NUP93: variants seen among roughly 807,000 people sequenced by gnomAD.
NUP93 encodes nuclear pore complex protein Nup93.
NUP93 carries 55 observed loss-of-function variants against 107.8 expected under a neutral mutation model. The ratio of observed to expected loss-of-function variants is 0.51; its 90% CI spans 0.41 to 0.64. The LOEUF (loss-of-function observed/expected upper bound fraction) is 0.64, where lower values mean the gene tolerates loss of function less well. NUP93 is among the 30% of genes least tolerant of loss of function. NUP93 has a pLI of 0.00. For synonymous variants in NUP93, 390 were observed against 397.5 expected, an observed-to-expected ratio of 0.98 and a Z score of 0.22; for missense variants, 937 against 1,044.7, an observed-to-expected ratio of 0.90 and a Z score of 1.42.
chr16:56,782,708 T>C (rs1022079298), intron 3 of NUP93: 5 of 152,132 alleles, frequency 3.3e-5, no homozygotes, highest in African/African-American at 4.8e-5. Context: ...TAGGATTCTT[T>C]AGGAATTCAG....
intron 7 of NUP93, among the ~76,000 whole-genome samples, chr16:56,822,983 A>G (rs1040049276): frequency 1.3e-5 from 2 of 152,144 alleles, no homozygotes; most frequent in South Asian, 2.1e-4. Context: ...TTTTTCTCCA[A>G]TCAGTGCTAT....
chr16:56,789,139 A>G (rs1229753012), intron 3 of NUP93, among the ~76,000 whole-genome samples: 1 of 152,048 alleles, frequency 6.6e-6, no homozygotes. Context: ...AAAGGTGCAA[A>G]TGGAGTTATA....
chr16:56,740,831 C>G (rs1052654073), intron 1 of NUP93: 1 of 173,256 alleles, frequency 5.8e-6, no homozygotes, highest in East Asian at 1.8e-4. Context: ...GGAGACCGGC[C>G]CGGCCAACAC....
intron 4 of NUP93, among the ~76,000 whole-genome samples, chr16:56,804,993 C>T (rs1439127237): frequency 6.6e-6 from 1 of 151,604 alleles, no homozygotes; most frequent in Non-Finnish European, 1.5e-5. Context: ...AAACAGTTGT[C>T]AGTAAGTTTA....
At chr16:56,735,108 G>A (rs1961590991) in intron 1 of NUP93, among the ~76,000 whole-genome samples, 3 of 152,218 alleles carry the variant, frequency 2.0e-5, no homozygotes, top group African/African-American at 7.2e-5. Flanking sequence ...GGAGTAAAAG[G>A]AATTTAGATG....
intron 3 of NUP93, among the ~76,000 whole-genome samples, chr16:56,797,165 G>T (rs1254635427): frequency 6.6e-6 from 1 of 150,892 alleles, no homozygotes; most frequent in African/African-American, 2.4e-5. Context: ...AGCTACTTGG[G>T]AGGCTGAGGC....
intron 2 of NUP93, among the ~76,000 whole-genome samples, chr16:56,754,433 A>G (rs1423177078): frequency 6.6e-6 from 1 of 152,220 alleles, no homozygotes; most frequent in Non-Finnish European, 1.5e-5. Context: ...GTCCAAGTCC[A>G]AAGTCTTATC....
At chr16:56,779,101 C>A (rs1962466895) in intron 3 of NUP93, among the ~76,000 whole-genome samples, 1 of 152,152 alleles carries the variant, frequency 6.6e-6, no homozygotes, top group Non-Finnish European at 1.5e-5. Context: ...AAAGCACTTA[C>A]CCACCAGTAC....
At chr16:56,737,109 G>T (rs1961626665) in intron 1 of NUP93, among the ~76,000 whole-genome samples, 1 of 152,134 alleles carries the variant, frequency 6.6e-6, no homozygotes, top group Non-Finnish European at 1.5e-5. Flanking sequence ...TGGTACTTTG[G>T]TCAGCTCAGA....
At chr16:56,812,590 G>A (rs1335160944) in intron 5 of NUP93, among the ~76,000 whole-genome samples, 5 of 151,972 alleles carry the variant, frequency 3.3e-5, no homozygotes, top group African/African-American at 9.7e-5. Context: ...TGATCTGCCC[G>A]CCTCGGCCTC....
Position 56,845,105 on chromosome 16 carries a change from TAG to T in NUP93, c.*501_*502del, listed in dbSNP as rs1366717608. The T allele has an allele frequency of 1.0e-5, 2 of 200,838 alleles. No homozygotes were observed. Among genetic ancestry groups the T allele is most frequent in the African/African-American group, 4.6e-5 (2 of 43,552 alleles). The allele number at this position is 200,838 out of a possible 1,614,324, so 12.4% of individuals were successfully genotyped here. ...ATATCAAGCACTCCATGTCCTCCTCTAGAGAGTGTGACTTAAGTCCAGATGGT... is the reference window on the plus strand; with the variant it reads ...ATATCAAGCACTCCATGTCCTCCTCTAGAGTGTGACTTAAGTCCAGATGGT... On this transcript the variant is annotated 3_prime_UTR_variant, in exon 22 of 22. Transcript: ENST00000308159.
At chr16:56,772,734 A>G (rs1246174112) in intron 3 of NUP93, among the ~76,000 whole-genome samples, 6 of 152,264 alleles carry the variant, frequency 3.9e-5, no homozygotes, top group African/African-American at 1.4e-4. Flanking sequence ...CAGTTTGCTC[A>G]TGTTCTGCTC....
At chr16:56,784,498 T>G (rs1230188127) in intron 3 of NUP93, among the ~76,000 whole-genome samples, 1 of 152,234 alleles carries the variant, frequency 6.6e-6, no homozygotes, top group African/African-American at 2.4e-5. Flanking sequence ...AACTCCTGTT[T>G]GTAATTGTAA....
intron 3 of NUP93, among the ~76,000 whole-genome samples, chr16:56,765,395 GT>G (rs1962199109): frequency 6.6e-6 from 1 of 152,116 alleles, no homozygotes; most frequent in South Asian, 2.1e-4. Context: ...GAATCTTGCT[GT>G]TTCTCAGCTT....
At chr16:56,818,229 G>T (rs1185271936) in intron 5 of NUP93, among the ~76,000 whole-genome samples, 1 of 152,190 alleles carries the variant, frequency 6.6e-6, no homozygotes, top group Non-Finnish European at 1.5e-5. Flanking sequence ...TGAATCAGGT[G>T]TTTGACTCTA....
chr16:56,758,510 T>C (rs762770338), intron 2 of NUP93, 28 bp from the exon 3 acceptor site: 1 of 1,534,814 alleles, frequency 6.5e-7, no homozygotes, highest in Non-Finnish European at 9.0e-7. Flanking sequence ...CCCTTACTTA[T>C]ATCTCCCTAT....
intron 1 of NUP93, among the ~76,000 whole-genome samples, chr16:56,740,142 T>A (rs1961697996): frequency 1.4e-5 from 2 of 142,030 alleles, no homozygotes; most frequent in East Asian, 2.3e-4. Flanking sequence ...CCCACCTCCC[T>A]CCCGGACGGG....
intron 3 of NUP93, among the ~76,000 whole-genome samples, chr16:56,794,454 T>C (rs1325298713): frequency 3.3e-5 from 5 of 152,224 alleles, no homozygotes; most frequent in African/African-American, 9.6e-5. Context: ...GTCTTTTTTT[T>C]CTTCTGTTTC....
At chr16:56,824,059 C>T (rs1319131668) in intron 8 of NUP93, among the ~76,000 whole-genome samples, 4 of 152,166 alleles carry the variant, frequency 2.6e-5, no homozygotes, top group South Asian at 2.1e-4. Flanking sequence ...AAAAATCACA[C>T]GTCAAAAAAT....
Sources: gnomAD v4.1 joint callset for allele counts (sites outside exome capture counted in the v4.1 genomes callset) on GRCh38, gnomAD v4.1.1 for gene constraint, MANE v1.5 for transcripts, NCBI Gene and HGNC (gene_info 2026-07-23, HGNC 2026-07-21) for gene names.